Variants in SULT1C3 observed in about 807,000 individuals in gnomAD.
SULT1C3 encodes the protein sulfotransferase 1C3.
SULT1C3 carries 31 observed loss-of-function variants against 28.4 expected under a neutral mutation model. That is an observed-to-expected ratio of 1.09 (90% CI 0.82 to 1.47). The LOEUF (loss-of-function observed/expected upper bound fraction) is 1.47. SULT1C3 is among the 40% of genes most tolerant of loss of function. The pLI, the probability that SULT1C3 is intolerant of heterozygous loss-of-function variation, is 0.00. For synonymous variants in SULT1C3, 106 were observed against 92.2 expected (o/e 1.15, Z -0.86); for missense variants, 307 against 272.5 (o/e 1.13, Z -0.89).
chr2:108,243,215 C>G (rs1382247704), intron 1 of SULT1C3, among the ~76,000 whole-genome samples: 7 of 152,186 alleles, frequency 4.6e-5, no homozygotes, highest in Non-Finnish European at 1.0e-4. Context: ...CAAACAGCTC[C>G]ATTTTGTTTC....
In SULT1C3 at chr2:108,247,311, A is replaced by C. The variant is rs9308806; in HGVS notation, c.117A>C (p.Val39=). The change falls in exon 2 of 8, where the codon GTA becomes GTC. Residue 39 remains valine, a synonymous_variant. Coordinates refer to ENST00000681802, the MANE Select transcript of SULT1C3 (RefSeq NM_001320878.2). Reference sequence around the variant, plus strand: ...TATCAAAAGAATGGTGGGAAAAAGTATGTAATTTCCAAGCCAAGCCTGATG... The same window carrying C: ...TATCAAAAGAATGGTGGGAAAAAGTCTGTAATTTCCAAGCCAAGCCTGATG... ...LILSKEWWEK[V]CNFQAKPDDL... 1,157,989 of 1,595,034 alleles carry C rather than the reference A, an allele frequency of 0.73. 424,468 individuals carry two copies. The highest frequency in any genetic ancestry group is 0.95 in the African/African-American group (70,665 of 74,398).
In SULT1C3 at chr2:108,247,088, A is replaced by G. The variant is rs554299222; in HGVS notation, c.-7-100A>G. On this transcript the variant is annotated intron_variant, in intron 1 of 7. Transcript: ENST00000681802. ...TTATATGTTAGCTTTCACTTATTTT[A>G]TGCTATTCTAATCAAAGGCAGTAAG... The G allele has an allele frequency of 2.7e-4, 235 of 867,142 alleles. 2 individuals are homozygous for G. In the South Asian group the frequency reaches 0.011, roughly 40 times the overall value. The allele number at this position is 867,142 out of a possible 1,614,324, so 53.7% of individuals were successfully genotyped here. A position where few individuals can be genotyped will look rare whatever the true frequency, so the allele number is the denominator to read the frequency against.
At chr2:108,241,814 C>G (rs1173222665) in intron 1 of SULT1C3, among the ~76,000 whole-genome samples, 2 of 151,696 alleles carry the variant, frequency 1.3e-5, no homozygotes, top group Admixed American at 6.6e-5. Flanking sequence ...GTAGTCCCAG[C>G]TACTCAGGAG....
intron 4 of SULT1C3, 113 bp from the exon 5 acceptor site, chr2:108,255,459 C>A: frequency 8.0e-7 from 1 of 1,243,798 alleles, no homozygotes; most frequent in Non-Finnish European, 1.1e-6. Context: ...ACTAATGTAT[C>A]TAATGCTATA....
chr2:108,258,634 C>G (rs954168214), intron 5 of SULT1C3, 100 bp from the exon 6 acceptor site: 1 of 846,016 alleles, frequency 1.2e-6, no homozygotes, highest in Admixed American at 2.4e-5. Context: ...GGAACCAGAA[C>G]GATAGTTACA....
chr2:108,253,991 T>C (rs910341069), intron 4 of SULT1C3, among the ~76,000 whole-genome samples: 2 of 151,948 alleles, frequency 1.3e-5, no homozygotes, highest in Non-Finnish European at 2.9e-5. Context: ...CTACCACCTG[T>C]ACCCAACTCA....
At chr2:108,262,727 A>C (rs947786502), downstream of SULT1C3, among the ~76,000 whole-genome samples, 1 of 152,164 alleles carries the variant, frequency 6.6e-6, no homozygotes, top group Non-Finnish European at 1.5e-5. Context: ...CAGGTGTAAG[A>C]TATAGTTTGC....
At chr2:108,260,130 T>C (rs1245609878) in intron 7 of SULT1C3, among the ~76,000 whole-genome samples, 1 of 152,092 alleles carries the variant, frequency 6.6e-6, no homozygotes, top group Admixed American at 6.6e-5. Flanking sequence ...TTCCAGTGGA[T>C]TTACTATTTA....
intron 2 of SULT1C3, among the ~76,000 whole-genome samples, chr2:108,248,571 T>C (rs754148073): frequency 6.6e-6 from 1 of 152,132 alleles, no homozygotes; most frequent in East Asian, 1.9e-4. Flanking sequence ...CCTTTAGATA[T>C]CTTTAGAGAG....
At chr2:108,244,237 T>C (rs1675530547) in intron 1 of SULT1C3, among the ~76,000 whole-genome samples, 2 of 152,196 alleles carry the variant, frequency 1.3e-5, no homozygotes, top group African/African-American at 4.8e-5. Flanking sequence ...AAAGCCCAAC[T>C]GGTAAGAAAT....
downstream of SULT1C3, among the ~76,000 whole-genome samples, chr2:108,263,645 A>G (rs548305640): frequency 2.0e-4 from 31 of 152,252 alleles, no homozygotes; most frequent in African/African-American, 6.5e-4. Context: ...ACCTGCTGAA[A>G]CATTTAGTCT....
In SULT1C3 at chr2:108,255,619, C is replaced by T. The variant is rs1455840544; in HGVS notation, c.447C>T (p.Tyr149=). 6.2e-6 allele frequency: 10 copies of T among 1,611,870 alleles called. No individual in the cohort carries two copies. Among genetic ancestry groups the T allele is most frequent in the Non-Finnish European group, 8.5e-6 (10 of 1,178,592 alleles). Residue 149 remains tyrosine (Y), a synonymous_variant, in exon 5 of 8, where the codon TAC becomes TAT. Transcript: ENST00000681802. ...CCAAGGATTGCCTGGTGTCCTACTA[C>T]CACTTTCACAGGATGGCTTCCTTTA... The part of the protein sequence containing the change: ...RNPKDCLVSY[Y]HFHRMASFMP...
At chr2:108,255,958 C>G (rs1294582879) in intron 5 of SULT1C3, among the ~76,000 whole-genome samples, 1 of 152,038 alleles carries the variant, frequency 6.6e-6, no homozygotes, top group African/African-American at 2.4e-5. Context: ...AAACAATCAA[C>G]TTCAAAATAA....
chr2:108,265,127 C>G, downstream of SULT1C3: 1 of 1,458,244 alleles, frequency 6.9e-7, no homozygotes, highest in Non-Finnish European at 9.3e-7. Context: ...CACTGTACAA[C>G]CTTTGAGAGG....
intron 5 of SULT1C3, among the ~76,000 whole-genome samples, chr2:108,257,110 A>G (rs908931019): frequency 2.0e-5 from 3 of 152,062 alleles, no homozygotes; most frequent in African/African-American, 4.8e-5. Flanking sequence ...GAAAGTGTCA[A>G]TTGTGTAGTT....
chr2:108,258,999 T>C lies in SULT1C3; in HGVS notation c.655T>C (p.Phe219Leu), dbSNP rs1417605726. Residue 219 changes from phenylalanine to leucine, a missense_variant, in exon 7 of 8, where the codon TTC (phenylalanine) becomes CTC (leucine). Physicochemically the swap from Phe to Leu is conservative, Grantham distance 22 (BLOSUM62 0). Coordinates refer to ENST00000681802, the MANE Select transcript of SULT1C3 (RefSeq NM_001320878.2). ...PKHEIHKVLE[F>L]LEKTWSGDVI... ...ACATGAGATCCACAAGGTGTTGGAA[T>C]TCTTGGAGAAAACTTGGTCAGGTGA... 1 of 675,588 alleles carries C rather than the reference T, an allele frequency of 1.5e-6. No individual in the cohort carries two copies. The highest frequency in any genetic ancestry group is 2.7e-6 in the Non-Finnish European group (1 of 374,470). 41.8% of individuals were successfully genotyped at this position (675,588 alleles called of 1,614,324 possible). A position where few individuals can be genotyped will look rare whatever the true frequency, so the allele number is the denominator to read the frequency against.
chr2:108,253,369 C>A lies in SULT1C3; in HGVS notation c.326C>A (p.Ser109Tyr). 1 of 1,560,988 alleles carries A rather than the reference C, an allele frequency of 6.4e-7. No homozygotes were observed. The highest frequency in any genetic ancestry group is 8.7e-7 in the Non-Finnish European group (1 of 1,155,788). Residue 109 changes from serine to tyrosine, a missense_variant, in exon 4 of 8, where the codon TCC becomes TAC. Transcript: ENST00000681802. ...KPDLEFVLEM[S>Y]SPQLIKTHLP... ...GATTTGGAGTTCGTTCTTGAAATGTCCTCACCACAACTGATAAAAACACAT... is the reference window on the plus strand; with the variant it reads ...GATTTGGAGTTCGTTCTTGAAATGTACTCACCACAACTGATAAAAACACAT...
intron 2 of SULT1C3, among the ~76,000 whole-genome samples, chr2:108,249,783 T>C (rs1675683633): frequency 6.9e-6 from 1 of 144,122 alleles, no homozygotes; most frequent in South Asian, 2.1e-4. Context: ...ATATTTTTGA[T>C]AGAGTAAAGT....
intron 5 of SULT1C3, among the ~76,000 whole-genome samples, chr2:108,256,853 G>T (rs1273873264): frequency 6.6e-6 from 1 of 151,956 alleles, no homozygotes. Context: ...AATTAAAAAG[G>T]ACTGACAGAT....
Sources: allele counts gnomAD v4.1 joint callset (sites outside exome capture counted in the v4.1 genomes callset), GRCh38; gene constraint gnomAD v4.1.1; transcripts MANE v1.5; gene names NCBI Gene and HGNC (gene_info 2026-07-23, HGNC 2026-07-21).